The following TTC27 variants were observed in gnomAD, a reference collection of about 807,000 sequenced individuals.
The protein encoded by TTC27 is tetratricopeptide repeat domain 27.
A neutral mutation model predicts 115.9 loss-of-function variants in TTC27; 79 were observed. The ratio of observed to expected loss-of-function variants is 0.68; its 90% CI spans 0.57 to 0.82. The LOEUF (loss-of-function observed/expected upper bound fraction) is 0.82. TTC27 is among the 40% of genes least tolerant of loss of function. The pLI, the probability that TTC27 is intolerant of heterozygous loss-of-function variation, is 0.00. For missense variants in TTC27, 1,054 were observed against 993.1 expected (o/e 1.06, Z -0.82); for synonymous variants, 401 against 356.0 (o/e 1.13, Z -1.42).
intron 7 of TTC27, among the ~76,000 whole-genome samples, chr2:32,667,104 A>C (rs1426773062): frequency 6.6e-6 from 1 of 152,214 alleles, no homozygotes; most frequent in South Asian, 2.1e-4. Flanking sequence ...GGTGTAGACC[A>C]GTTTCTCTAT....
chr2:32,710,450 A>G (rs867592458), intron 10 of TTC27, among the ~76,000 whole-genome samples: 16 of 130,416 alleles, frequency 1.2e-4, no homozygotes, highest in Admixed American at 3.3e-4. Context: ...TTTTTCTGAG[A>G]TGGAGTCTTG....
intron 16 of TTC27, among the ~76,000 whole-genome samples, chr2:32,790,153 C>G (rs1223708270): frequency 1.3e-5 from 2 of 151,892 alleles, no homozygotes; most frequent in African/African-American, 4.8e-5. Flanking sequence ...TAGCTTTTTA[C>G]TCCTGTAATC....
chr2:32,794,883 A>T (rs1308000289), intron 16 of TTC27, among the ~76,000 whole-genome samples: 1 of 152,134 alleles, frequency 6.6e-6, no homozygotes, highest in African/African-American at 2.4e-5. Flanking sequence ...CCAAGACTAA[A>T]TCATAAAGAA....
At chr2:32,696,919 A>T (rs1667006107) in intron 9 of TTC27, among the ~76,000 whole-genome samples, 1 of 152,118 alleles carries the variant, frequency 6.6e-6, no homozygotes, top group South Asian at 2.1e-4. Context: ...TGAGTAGCCG[A>T]TGGGCGTGGT....
chr2:32,745,643 G>GT (rs367949960), intron 12 of TTC27, among the ~76,000 whole-genome samples: 1,559 of 149,644 alleles, frequency 0.01, 15 homozygotes, highest in African/African-American at 0.035. Flanking sequence ...CAGAGAGACA[G>GT]TTTTTTTTTG....
chr2:32,718,005 A>G (rs759957433), intron 10 of TTC27, among the ~76,000 whole-genome samples: 13 of 152,176 alleles, frequency 8.5e-5, no homozygotes, highest in East Asian at 3.8e-4. Flanking sequence ...TTTTATGAGC[A>G]TTGTATGAAT....
intron 12 of TTC27, among the ~76,000 whole-genome samples, chr2:32,745,117 A>G (rs1181566024): frequency 6.6e-6 from 1 of 151,366 alleles, no homozygotes; most frequent in Non-Finnish European, 1.5e-5. Context: ...TGTAGTTGGA[A>G]GTCTATAGAC....
chr2:32,654,662 G>GT (rs940473081), intron 5 of TTC27, among the ~76,000 whole-genome samples: 2 of 151,712 alleles, frequency 1.3e-5, no homozygotes, highest in African/African-American at 4.8e-5. Context: ...TTCTGAATGG[G>GT]TGGGAGTATA....
chr2:32,679,534 G>A (rs1666344440), intron 9 of TTC27, among the ~76,000 whole-genome samples: 1 of 152,190 alleles, frequency 6.6e-6, no homozygotes, highest in Non-Finnish European at 1.5e-5. Context: ...ATGGAGAAAG[G>A]AAGATACATA....
intron 15 of TTC27, 112 bp downstream of exon 15, chr2:32,782,790 G>A (rs1670224811): frequency 1.3e-6 from 1 of 799,082 alleles, no homozygotes; most frequent in Non-Finnish European, 2.0e-6. Flanking sequence ...TCTCGCCCAT[G>A]TATATGAAAT....
Position 32,812,548 on chromosome 2 carries a change from C to T in TTC27, c.2241C>T (p.Ser747=), listed in dbSNP as rs1209563082. Residue 747 remains serine (S), a synonymous_variant, in exon 18 of 20, where the codon TCC becomes TCT. Transcript: ENST00000317907. ...AGGCATACAAGTGTGACACCCAGTCCAATTGTTGGGAGAAAGATATTACAT... is the reference window on the plus strand; with the variant it reads ...AGGCATACAAGTGTGACACCCAGTCTAATTGTTGGGAGAAAGATATTACAT... ...LSKAYKCDTQ[S]NCWEKDITSF... 1 of 1,613,908 alleles carries T rather than the reference C, an allele frequency of 6.2e-7. No individual in the cohort carries two copies. The highest frequency in any genetic ancestry group is 1.3e-5 in the African/African-American group (1 of 74,904).
At chr2:32,783,943 A>T (rs1670263018) in intron 15 of TTC27, among the ~76,000 whole-genome samples, 1 of 152,220 alleles carries the variant, frequency 6.6e-6, no homozygotes, top group African/African-American at 2.4e-5. Context: ...TTAAATCCAT[A>T]TTACGTAGAG....
intron 13 of TTC27, among the ~76,000 whole-genome samples, chr2:32,772,263 A>C (rs1179938636): frequency 6.6e-6 from 1 of 152,136 alleles, no homozygotes; most frequent in Admixed American, 6.6e-5. Context: ...GGGTTGAGGA[A>C]CCATTGTGTG....
intron 5 of TTC27, among the ~76,000 whole-genome samples, chr2:32,656,023 C>T (rs935354663): frequency 2.6e-5 from 4 of 152,130 alleles, no homozygotes; most frequent in Non-Finnish European, 4.4e-5. Flanking sequence ...TCAACAACAT[C>T]AGGGAAAGTT....
intron 10 of TTC27, among the ~76,000 whole-genome samples, chr2:32,714,466 C>A (rs1328655007): frequency 6.6e-6 from 1 of 152,038 alleles, no homozygotes; most frequent in Non-Finnish European, 1.5e-5. Flanking sequence ...CCAGGCCTAC[C>A]CCATTTTCTT....
rs145075382 is a variant in TTC27, at chr2:32,640,900, T to C, written c.537+490T>C. Among the ~76,000 whole-genome samples the C allele has an allele frequency of 5.6e-4, 85 of 152,176 alleles. No homozygotes were observed. The East Asian group carries it at 0.015, about 27-fold the overall frequency. ...GGGAGGCTGAGGCAGGAGAATTGCT[T>C]GAACCTGGGAGGTGGAGGTTGCAGT... On this transcript the variant is annotated intron_variant, in intron 4 of 19. Coordinates refer to ENST00000317907, the MANE Select transcript of TTC27 (RefSeq NM_017735.5).
intron 12 of TTC27, among the ~76,000 whole-genome samples, chr2:32,744,206 C>T (rs1198345847): frequency 6.6e-6 from 1 of 152,220 alleles, no homozygotes; most frequent in African/African-American, 2.4e-5. Context: ...TGCTGTCCTG[C>T]TCTAAAGCAG....
chr2:32,708,304 G>GTTT lies in TTC27; in HGVS notation c.1233+5404_1233+5406dup, dbSNP rs1158508588. On this transcript the variant is annotated intron_variant, in intron 10 of 19. Transcript: ENST00000317907. ...AATAGCGTTTTCTTTTCTCTACCTT[G>GTTT]TTTTTTTTTTTTTTTTTTTTTTAAT... is the stretch of plus-strand genomic sequence containing the variant. Among the ~76,000 whole-genome samples the GTTT allele has an allele frequency of 5.5e-3, 339 of 61,180 alleles. 16 individuals carry two copies. The highest frequency in any genetic ancestry group is 0.019 in the Middle Eastern group (1 of 54). The allele number at this position is 61,180 out of a possible 152,430, so 40.1% of individuals were successfully genotyped here. A position where few individuals can be genotyped will look rare whatever the true frequency, so the allele number is the denominator to read the frequency against.
chr2:32,778,012 G>C (rs1261553386), intron 14 of TTC27, 32 bp downstream of exon 14: 5 of 1,598,462 alleles, frequency 3.1e-6, no homozygotes, highest in Non-Finnish European at 3.4e-6. Context: ...TCCTTACGTG[G>C]CTCTTTACTC....
Sources: gnomAD v4.1 joint callset for allele counts (sites outside exome capture counted in the v4.1 genomes callset) on GRCh38, gnomAD v4.1.1 for gene constraint, MANE v1.5 for transcripts, NCBI Gene and HGNC (gene_info 2026-07-23, HGNC 2026-07-21) for gene names.